Variants in ZNF746 observed in about 807,000 individuals in gnomAD.
The protein encoded by ZNF746 is parkin-interacting substrate.
A neutral mutation model predicts 41.0 loss-of-function variants in ZNF746; 13 were observed. That is an observed-to-expected ratio of 0.32 (90% confidence interval 0.21 to 0.50). The LOEUF is 0.50. ZNF746 is among the 20% of genes least tolerant of loss of function. The probability of loss-of-function intolerance (pLI) is 0.98; values close to 1 mark genes in which losing one functional copy is unlikely to be tolerated. For synonymous variants in ZNF746, 424 were observed against 396.2 expected (o/e 1.07, Z -0.83); for missense variants, 811 against 922.9 (o/e 0.88, Z 1.57).
In ZNF746 at chr7:149,494,226, C is replaced by T; in HGVS notation, c.302G>A (p.Gly101Asp). Residue 101 changes from glycine to aspartate, a missense_variant, in exon 2 of 7, where the codon GGC (glycine) becomes GAC (aspartate). Transcript: ENST00000458143. This position sits in a 1 kb window ranked among gnomAD's most constrained non-coding sequence, Gnocchi z 5.6. ...RNFWILRLPP[G>D]SKGESPKVPV... ...TACCTTAGGGGACTCCCCCTTGCTG[C>T]CCGGGGGCAGCCGCAGGATCCAGAA... 6.2e-7 allele frequency: 1 copy of T among 1,614,160 alleles called. No individual in the cohort carries two copies. Among genetic ancestry groups the T allele is most frequent in the East Asian group, 2.2e-5 (1 of 44,868 alleles).
intron 4 of ZNF746, among the ~76,000 whole-genome samples, chr7:149,486,229 GT>G (rs1258780515): frequency 6.6e-6 from 1 of 152,064 alleles, no homozygotes; most frequent in Non-Finnish European, 1.5e-5. Context: ...ATTTCCCAGG[GT>G]GGTGAGGATG....
In ZNF746 at chr7:149,474,839, CGCCACT is replaced by C; in HGVS notation, c.1522_1527del (p.Ser508_Gly509del). 1 of 1,412,614 alleles carries C rather than the reference CGCCACT, an allele frequency of 7.1e-7. No homozygotes were observed. Among genetic ancestry groups the C allele is most frequent in the Non-Finnish European group, 9.2e-7 (1 of 1,089,860 alleles). 87.5% of individuals were successfully genotyped at this position (1,412,614 alleles called of 1,614,324 possible). The stretch of plus-strand genomic sequence containing the variant: ...CCCCCACCGCTGCCGCCACCGCCGC[CGCCACT>C]GCCGCTGCCGCCACCGCCTGTGCCC... On this transcript the variant is annotated inframe_deletion, in exon 7 of 7. Coordinates refer to ENST00000458143, the MANE Select transcript of ZNF746 (RefSeq NM_001394198.1). The surrounding 1 kb of genome is among the most constrained non-coding windows in gnomAD (Gnocchi z 6.3).
At chr7:149,476,313 C>CAAAAAA (rs55888950) in intron 6 of ZNF746, among the ~76,000 whole-genome samples, 35 of 63,322 alleles carry the variant, frequency 5.5e-4, no homozygotes, top group East Asian at 1.8e-3. Context: ...GACTCCGCCT[C>CAAAAAA]AAAAAAAAAA....
Position 149,475,110 on chromosome 7 carries a change from G to A in ZNF746, c.1257C>T (p.Ser419=), listed in dbSNP as rs764396513. The A allele has an allele frequency of 5.0e-6, 8 of 1,610,298 alleles. No individual in the cohort carries two copies. Among genetic ancestry groups the A allele is most frequent in the Non-Finnish European group, 5.1e-6 (6 of 1,179,090 alleles). ...AGATGGCCTCTCCGTTGTCCGGGGA[G>A]GAGTAAGGAAGCCCCTCGGGCCCCG... ...PRTGPEGLPY[S]SPDNGEAILD... The change falls in exon 7 of 7, where the codon TCC becomes TCT. Residue 419 remains serine, a synonymous_variant. Coordinates refer to ENST00000458143, the MANE Select transcript of ZNF746 (RefSeq NM_001394198.1).
At chr7:149,480,897 T>C (rs1226767649) in intron 4 of ZNF746, among the ~76,000 whole-genome samples, 1 of 152,066 alleles carries the variant, frequency 6.6e-6, no homozygotes, top group Non-Finnish European at 1.5e-5. Flanking sequence ...TAAAGGATAA[T>C]ATGAAAAAGT....
intron 6 of ZNF746, among the ~76,000 whole-genome samples, chr7:149,476,677 A>C (rs1334550838): frequency 2.0e-5 from 3 of 152,186 alleles, no homozygotes; most frequent in Non-Finnish European, 4.4e-5. Context: ...GTTAGAATAG[A>C]CCACTTAACA....
intron 1 of ZNF746, among the ~76,000 whole-genome samples, chr7:149,495,300 C>T (rs1480162933): frequency 3.9e-5 from 6 of 152,184 alleles, no homozygotes; most frequent in African/African-American, 1.2e-4. Context: ...CGGCCTCCGA[C>T]ATTTTTGTAG....
chr7:149,488,048 A>G (rs11771363), intron 4 of ZNF746: 1 of 152,338 alleles, frequency 6.6e-6, no homozygotes, highest in Admixed American at 6.5e-5. Context: ...GCAGAGACTG[A>G]CAAAGAGACC....
rs779254209 is a variant in ZNF746, at chr7:149,474,795, G to A, written c.1572C>T (p.Ser524=). The A allele has an allele frequency of 3.3e-6, 5 of 1,533,642 alleles. No individual in the cohort carries two copies. The highest frequency in any genetic ancestry group is 2.4e-5 in the East Asian group (1 of 41,298). The part of the protein sequence containing the change: ...GSGGGSARDG[S]ALRCGECGRC... ...GGCCGCACTCCCCACACCGAAGGGC[G>A]CTGCCATCCCGTGCGCTGCCCCCAC... is the stretch of plus-strand genomic sequence containing the variant. The change falls in exon 7 of 7, where the codon AGC becomes AGT. Residue 524 remains serine (S), a synonymous_variant. Transcript: ENST00000458143. The surrounding 1 kb of genome is among the most constrained non-coding windows in gnomAD (Gnocchi z 6.3).
In ZNF746 at chr7:149,473,226, A is replaced by T. The variant is rs1800158536; in HGVS notation, c.*1158T>A. On this transcript the variant is annotated 3_prime_UTR_variant, in exon 7 of 7. Transcript: ENST00000458143. ...GCTGCTACAAGCAGAAGTTCCTTTGAGGCCTGGTGACTGGACTCTTGTCGG... is the reference window on the plus strand; with the variant it reads ...GCTGCTACAAGCAGAAGTTCCTTTGTGGCCTGGTGACTGGACTCTTGTCGG... 1 of 152,038 alleles carries T rather than the reference A, an allele frequency of 6.6e-6. No individual in the cohort carries two copies. The highest frequency in any genetic ancestry group is 2.4e-5 in the African/African-American group (1 of 41,376). 9.4% of individuals were successfully genotyped at this position (152,038 alleles called of 1,614,324 possible).
In ZNF746 at chr7:149,472,876, A is replaced by G. The variant is rs1027418822; in HGVS notation, c.*1508T>C. 1 of 152,616 alleles carries G rather than the reference A, an allele frequency of 6.6e-6. No individual in the cohort carries two copies. The highest frequency in any genetic ancestry group is 2.4e-5 in the African/African-American group (1 of 41,458). The allele number at this position is 152,616 out of a possible 1,614,324, so 9.5% of individuals were successfully genotyped here. A position where few individuals can be genotyped will look rare whatever the true frequency, so the allele number is the denominator to read the frequency against. ...AGTTATATCAATATTAGAAGTGTAA[A>G]CAGGTACAAAATATACAGTACATAG... is the stretch of plus-strand genomic sequence containing the variant. On this transcript the variant is annotated 3_prime_UTR_variant, in exon 7 of 7. Coordinates refer to ENST00000458143, the MANE Select transcript of ZNF746 (RefSeq NM_001394198.1).
chr7:149,488,190 G>A (rs1034709111), intron 4 of ZNF746: 2 of 152,126 alleles, frequency 1.3e-5, no homozygotes, highest in Non-Finnish European at 2.9e-5. Context: ...TGAGACCATC[G>A]TTGTGGGAGA....
Position 149,474,824 on chromosome 7 carries a change from T to TGCCGCCACCGCC in ZNF746, c.1531_1542dup (p.Gly511_Gly514dup), listed in dbSNP as rs754728391. ...CCATCCCGTGCGCTGCCCCCACCGC[T>TGCCGCCACCGCC]GCCGCCACCGCCGCCGCCACTGCCG... On this transcript the variant is annotated inframe_insertion, in exon 7 of 7. Transcript: ENST00000458143. The surrounding 1 kb of genome is among the most constrained non-coding windows in gnomAD (Gnocchi z 6.3). 2.6e-5 allele frequency: 37 copies of TGCCGCCACCGCC among 1,431,198 alleles called. No homozygotes were observed. Among genetic ancestry groups the TGCCGCCACCGCC allele is most frequent in the African/African-American group, 1.7e-4 (11 of 66,280 alleles). The allele number at this position is 1,431,198 out of a possible 1,614,324, so 88.7% of individuals were successfully genotyped here.
In ZNF746 at chr7:149,473,394, TC is replaced by T. The variant is rs1800166002; in HGVS notation, c.*989del. ...ACCCACAGTGAGAGGCTGAGGTGTG[TC>T]CCCTCTGAGCAGTTTGCACCTCTAA... On this transcript the variant is annotated 3_prime_UTR_variant, in exon 7 of 7. Coordinates refer to ENST00000458143, the MANE Select transcript of ZNF746 (RefSeq NM_001394198.1). The T allele has an allele frequency of 6.6e-6, 1 of 152,222 alleles. No homozygotes were observed. The highest frequency in any genetic ancestry group is 2.4e-5 in the African/African-American group (1 of 41,448). The allele number at this position is 152,222 out of a possible 1,614,324, so 9.4% of individuals were successfully genotyped here. A position where few individuals can be genotyped will look rare whatever the true frequency, so the allele number is the denominator to read the frequency against.
intron 4 of ZNF746, among the ~76,000 whole-genome samples, chr7:149,481,559 C>T (rs1211509058): frequency 1.3e-5 from 2 of 152,286 alleles, no homozygotes; most frequent in East Asian, 3.9e-4. Context: ...AGAGGACTCA[C>T]TGTATAGGGA....
At position 149,475,011 on chromosome 7, in the gene ZNF746, G is replaced by T. The variant is rs764496082; in HGVS notation, c.1356C>A (p.His452Gln). The change falls in exon 7 of 7, where the codon CAC becomes CAA. Residue 452 changes from histidine (H) to glutamine (Q), a missense_variant. Around this residue, in one of 4 missense-constraint regions of ZNF746, gnomAD observed 495 missense variants for 481.6 expected, o/e 1.03. Coordinates refer to ENST00000458143, the MANE Select transcript of ZNF746 (RefSeq NM_001394198.1). ...KYPGRTKGFG[H>Q]KPGLKKHPAA... ...CGGGGTGCTTCTTCAGCCCTGGCTT[G>T]TGGCCAAAGCCTTTGGTCCGGCCAG... The T allele has an allele frequency of 6.4e-7, 1 of 1,551,430 alleles. No homozygotes were observed. The highest frequency in any genetic ancestry group is 1.2e-5 in the South Asian group (1 of 84,068).
rs368725062 is a variant in ZNF746, at chr7:149,475,909, G to C, written c.884-426C>G. ...CTCATCTGTGAATGCCCACTTCACA[G>C]GTGTGAGGATTAAACCAGACAACAT... On this transcript the variant is annotated intron_variant, in intron 6 of 6. Transcript: ENST00000458143. Among the ~76,000 whole-genome samples the C allele has an allele frequency of 3.9e-5, 6 of 152,350 alleles. No homozygotes were observed. The East Asian group carries it at 7.7e-4, about 20-fold the overall frequency.
In ZNF746 at chr7:149,486,411, C is replaced by CA. The variant is rs78088527; in HGVS notation, c.565+6447dup. On this transcript the variant is annotated intron_variant, in intron 4 of 6. Coordinates refer to ENST00000458143, the MANE Select transcript of ZNF746 (RefSeq NM_001394198.1). ...ATATGCATAAGAATGTTCACACCAG[C>CA]AAAAAAAAAAAAAAGAAAAGAAAAG... Among the ~76,000 whole-genome samples the CA allele has an allele frequency of 3.0e-3, 408 of 136,708 alleles. 3 individuals carry two copies. The highest frequency in any genetic ancestry group is 0.027 in the Middle Eastern group (7 of 256). The allele number at this position is 136,708 out of a possible 152,430, so 89.7% of individuals were successfully genotyped here. A position where few individuals can be genotyped will look rare whatever the true frequency, so the allele number is the denominator to read the frequency against.
At chr7:149,489,066 A>G (rs1160737509) in intron 4 of ZNF746, 3 of 152,352 alleles carry the variant, frequency 2.0e-5, no homozygotes, top group Middle Eastern at 3.4e-3. Context: ...ATATAATGAC[A>G]TCTATGTAAT....
Sources: gnomAD v4.1 joint callset for allele counts (sites outside exome capture counted in the v4.1 genomes callset) on GRCh38, gnomAD v4.1.1 for gene constraint, gnomAD v4.1.1 regional missense constraint, Gnocchi (gnomAD v3.1) non-coding constraint, MANE v1.5 for transcripts, NCBI Gene and HGNC (gene_info 2026-07-23, HGNC 2026-07-21) for gene names.